NAV3: variants seen among roughly 807,000 people sequenced by gnomAD.
NAV3 encodes pore membrane and/or filament interacting like protein 1.
A neutral mutation model predicts 244.7 loss-of-function variants in NAV3; 87 were observed. That is an observed-to-expected ratio of 0.36 (90% CI 0.30 to 0.42). NAV3 has a LOEUF of 0.42. NAV3 is among the 20% of genes least tolerant of loss of function. NAV3 has a pLI of 1.00. For synonymous variants in NAV3, 1,126 were observed against 1,042.2 expected, an observed-to-expected ratio of 1.08 and a Z score of -1.55; for missense variants, 2,663 against 2,893.3, an observed-to-expected ratio of 0.92 and a Z score of 1.83.
rs1960861294 is a variant in NAV3 at position 78,211,266 on chromosome 12, G to A, written c.*749G>A. The A allele has an allele frequency of 6.6e-6, 1 of 152,492 alleles. No homozygotes were observed. The highest frequency in any genetic ancestry group is 2.4e-5 in the African/African-American group (1 of 41,376). 9.4% of individuals were successfully genotyped at this position (152,492 alleles called of 1,614,324 possible). On this transcript the variant is annotated 3_prime_UTR_variant, in exon 40 of 40. Transcript: ENST00000397909. ...CAATTATTAGTCAACACTGATAAAAGGCTTTTTTAGGGCTTTATTTGTTTG... is the reference window on the plus strand; with the variant it reads ...CAATTATTAGTCAACACTGATAAAAAGCTTTTTTAGGGCTTTATTTGTTTG...
At chr12:77,999,028 CAAA>C (rs1872797399) in intron 7 of NAV3, among the ~76,000 whole-genome samples, 1 of 152,092 alleles carries the variant, frequency 6.6e-6, no homozygotes, top group Non-Finnish European at 1.5e-5. Context: ...TATCAAATCA[CAAA>C]ATCAAGGACA....
intron 1 of NAV3, among the ~76,000 whole-genome samples, chr12:77,853,709 A>G (rs920658680): frequency 6.6e-6 from 1 of 152,152 alleles, no homozygotes. Context: ...GTGTCAGATG[A>G]TTTCTGAATC....
chr12:78,118,481 A>G (rs1955522506), intron 14 of NAV3, among the ~76,000 whole-genome samples, 184 bp downstream of exon 14: 2 of 152,230 alleles, frequency 1.3e-5, no homozygotes, highest in South Asian at 4.1e-4. Flanking sequence ...AAGCCCAAGT[A>G]GGGCCTATAT....
At chr12:78,193,507 T>C (rs146085715) in intron 34 of NAV3, among the ~76,000 whole-genome samples, 33 of 152,274 alleles carry the variant, frequency 2.2e-4, no homozygotes, top group Admixed American at 2.0e-4. Flanking sequence ...GTTCCACCTG[T>C]AGTTTCAGAG....
chr12:77,864,285 A>G (rs1234987862), intron 1 of NAV3, among the ~76,000 whole-genome samples: 2 of 151,872 alleles, frequency 1.3e-5, no homozygotes, highest in East Asian at 1.9e-4. Context: ...GTAGGGCCCA[A>G]TGATTCACAA....
At chr12:78,055,384 G>A (rs1294015557) in intron 11 of NAV3, among the ~76,000 whole-genome samples, 2 of 152,016 alleles carry the variant, frequency 1.3e-5, no homozygotes, top group African/African-American at 4.8e-5. Context: ...GTACTCAGGA[G>A]CACTTTATAT....
At chr12:78,051,394 C>T (rs1489461106) in intron 11 of NAV3, among the ~76,000 whole-genome samples, 1 of 152,096 alleles carries the variant, frequency 6.6e-6, no homozygotes. Context: ...CATGTGGCTT[C>T]TGTTTTTCAG....
intron 5 of NAV3, among the ~76,000 whole-genome samples, chr12:77,970,260 C>T (rs1463142933): frequency 6.6e-6 from 1 of 152,106 alleles, no homozygotes; most frequent in Non-Finnish European, 1.5e-5. Flanking sequence ...AAGCTTGAAA[C>T]CTACTAACAT....
intron 12 of NAV3, among the ~76,000 whole-genome samples, chr12:78,106,330 A>C (rs985818393): frequency 2.0e-5 from 3 of 152,200 alleles, no homozygotes; most frequent in Non-Finnish European, 4.4e-5. Flanking sequence ...AATAACATCA[A>C]AATATTGAAC....
intron 2 of NAV3, among the ~76,000 whole-genome samples, chr12:77,807,498 T>C (rs1019191066): frequency 6.6e-6 from 1 of 152,256 alleles, no homozygotes; most frequent in Non-Finnish European, 1.5e-5. Flanking sequence ...ATATTGAATA[T>C]TGATCCCTAC....
chr12:78,185,324 A>C (rs1386597671), intron 30 of NAV3, among the ~76,000 whole-genome samples: 1 of 151,878 alleles, frequency 6.6e-6, no homozygotes, highest in Admixed American at 6.6e-5. Flanking sequence ...TATGTGTAAT[A>C]GAAAAAGAAA....
chr12:77,930,976 C>T (rs1888726193), intron 1 of NAV3, among the ~76,000 whole-genome samples: 3 of 151,892 alleles, frequency 2.0e-5, no homozygotes, highest in South Asian at 2.1e-4. Context: ...TGTGCCCCAC[C>T]CTCCTGAAGC....
intron 2 of NAV3, among the ~76,000 whole-genome samples, chr12:77,651,539 G>T (rs911892782): frequency 1.3e-5 from 2 of 152,070 alleles, no homozygotes; most frequent in African/African-American, 4.8e-5. Flanking sequence ...CTTAAACCTT[G>T]TATGTTATTG....
chr12:77,931,913 TG>T (rs1888843580), intron 1 of NAV3, among the ~76,000 whole-genome samples: 1 of 3,374 alleles, frequency 3.0e-4, no homozygotes, highest in Non-Finnish European at 4.5e-4. Context: ...CGTGTGTGTT[TG>T]TGTGTGTGTG....
chr12:78,128,431 A>G (rs892453083), intron 17 of NAV3, among the ~76,000 whole-genome samples: 3 of 152,042 alleles, frequency 2.0e-5, no homozygotes, highest in African/African-American at 4.8e-5. Context: ...TGAGTTCTCA[A>G]TTAACTTGGC....
chr12:78,118,280 G>A lies in NAV3; in HGVS notation c.3023G>A (p.Ser1008Asn), dbSNP rs149366977. ...GAPSRQKAGT[S>N]ALKTPGKTDD... is the part of the protein sequence containing the mutation. ...CCATCTAGGCAGAAAGCTGGAACAA[G>A]TGCACTCAAAACACCCGGTAGGCTT... Residue 1008 changes from serine to asparagine, a missense_variant, in exon 14 of 40, where the codon AGT becomes AAT. Ser to Asn is a conservative substitution (Grantham distance 46). Coordinates refer to ENST00000397909, the MANE Select transcript of NAV3 (RefSeq NM_001024383.2). 1,116 of 1,607,098 alleles carry A rather than the reference G, an allele frequency of 6.9e-4. 10 individuals carry two copies. The African/African-American group carries it at 0.013, about 19-fold the overall frequency.
At chr12:77,902,887 T>C (rs1026151482) in intron 1 of NAV3, among the ~76,000 whole-genome samples, 5 of 152,118 alleles carry the variant, frequency 3.3e-5, no homozygotes, top group Non-Finnish European at 7.3e-5. Context: ...TGAACTCCCA[T>C]TCACAATTGC....
intron 1 of NAV3, among the ~76,000 whole-genome samples, chr12:77,867,704 A>G (rs1177820026): frequency 2.0e-5 from 3 of 152,062 alleles, no homozygotes; most frequent in Non-Finnish European, 2.9e-5. Context: ...ACAGGCGTGA[A>G]CCACCGCACC....
At chr12:77,939,362 C>T (rs1258519892) in intron 1 of NAV3, among the ~76,000 whole-genome samples, 3 of 152,082 alleles carry the variant, frequency 2.0e-5, no homozygotes, top group Non-Finnish European at 2.9e-5. Context: ...ATTTCCAGTT[C>T]TAATTCCAGT....
Sources: allele counts gnomAD v4.1 joint callset (sites outside exome capture counted in the v4.1 genomes callset), GRCh38; gene constraint gnomAD v4.1.1; transcripts MANE v1.5; gene names NCBI Gene and HGNC (gene_info 2026-07-23, HGNC 2026-07-21).